Variants in RPS6KC1 observed in about 807,000 individuals in gnomAD.
RPS6KC1 encodes inactive ribosomal protein S6 kinase delta-1.
RPS6KC1 carries 54 observed loss-of-function variants against 103.8 expected under a neutral mutation model. The observed-to-expected ratio is 0.52, with a 90% confidence interval of 0.42 to 0.65. The LOEUF (loss-of-function observed/expected upper bound fraction) is 0.65. RPS6KC1 is among the 30% of genes least tolerant of loss of function. The pLI, the probability that RPS6KC1 is intolerant of heterozygous loss-of-function variation, is 0.00. For missense variants in RPS6KC1, 1,151 were observed against 1,253.8 expected (o/e 0.92, Z 1.24); for synonymous variants, 439 against 438.7 (o/e 1.00, Z -0.01).
intron 3 of RPS6KC1, among the ~76,000 whole-genome samples, chr1:213,078,062 G>A (rs2079511449): frequency 6.6e-6 from 1 of 151,922 alleles, no homozygotes; most frequent in Admixed American, 6.6e-5. Flanking sequence ...AAAAAACCCT[G>A]TAGGAACATA....
chr1:213,162,431 C>G (rs146434278), intron 6 of RPS6KC1, among the ~76,000 whole-genome samples: 186 of 152,110 alleles, frequency 1.2e-3, no homozygotes, highest in South Asian at 2.7e-3. Context: ...CAGGTGTGTA[C>G]CACCAGGCCT....
chr1:213,527,967 T>C, the RPS6KC1 span, among the ~76,000 whole-genome samples: 1 of 152,094 alleles, frequency 6.6e-6, no homozygotes, highest in Non-Finnish European at 1.5e-5. Flanking sequence ...TAAGTGAAAG[T>C]GATTCATCAT....
intron 5 of RPS6KC1, among the ~76,000 whole-genome samples, chr1:213,119,427 T>C (rs12739415): frequency 0.054 from 3 of 56 alleles, no homozygotes; most frequent in East Asian, 0.5. Context: ...AGCCTGGGCA[T>C]ATATATATAT....
chr1:213,563,972 C>CTTTTTTT, the RPS6KC1 span, among the ~76,000 whole-genome samples: 2 of 134,394 alleles, frequency 1.5e-5, no homozygotes, highest in Non-Finnish European at 3.2e-5. Flanking sequence ...TTGCTTACCT[C>CTTTTTTT]TTTTTTTTTT....
the RPS6KC1 span, among the ~76,000 whole-genome samples, chr1:213,704,110 G>A: frequency 9.2e-4 from 140 of 152,036 alleles, 1 homozygote; most frequent in South Asian, 8.9e-3. Context: ...GATGTAGGCC[G>A]GGCGCGGTGG....
At chr1:213,148,798 T>C (rs1214698442) in intron 6 of RPS6KC1, among the ~76,000 whole-genome samples, 1 of 152,124 alleles carries the variant, frequency 6.6e-6, no homozygotes, top group Non-Finnish European at 1.5e-5. Flanking sequence ...AATGAAGCCA[T>C]CAGTCCTGGG....
chr1:213,492,866 C>T, the RPS6KC1 span, among the ~76,000 whole-genome samples: 3 of 152,302 alleles, frequency 2.0e-5, no homozygotes, highest in Admixed American at 1.3e-4. Flanking sequence ...TTCAGCAGAC[C>T]CCAGCCAGGC....
the RPS6KC1 span, among the ~76,000 whole-genome samples, chr1:213,688,951 T>C: frequency 6.6e-6 from 1 of 152,202 alleles, no homozygotes; most frequent in Admixed American, 6.5e-5. Flanking sequence ...TAACTAACAA[T>C]ACTTTTTTTC....
chr1:213,172,110 A>C (rs2091517777), intron 7 of RPS6KC1, among the ~76,000 whole-genome samples: 1 of 152,228 alleles, frequency 6.6e-6, no homozygotes, highest in Admixed American at 6.5e-5. Flanking sequence ...GAAATGCAGA[A>C]TATCAGACCT....
chr1:213,095,320 C>T lies in RPS6KC1; in HGVS notation c.263-9134C>T, dbSNP rs535102375. Among the ~76,000 whole-genome samples the T allele has an allele frequency of 9.8e-5, 15 of 152,300 alleles. No individual in the cohort carries two copies. The South Asian group carries it at 2.9e-3, about 29-fold the overall frequency. ...TAAGAATCATCAGCATTAAGCTTTT[C>T]TAGATAATTTCATACTGGTCAAGGA... is the stretch of plus-strand genomic sequence containing the variant. On this transcript the variant is annotated intron_variant, in intron 3 of 14. Transcript: ENST00000366960.
At chr1:213,205,473 A>G (rs1277613428) in intron 8 of RPS6KC1, 3 of 627,416 alleles carry the variant, frequency 4.8e-6, no homozygotes, top group Non-Finnish European at 5.9e-6. Flanking sequence ...ACGACCAAGA[A>G]CCTAAGGAAT....
At chr1:213,829,064 T>C in the RPS6KC1 span, among the ~76,000 whole-genome samples, 2 of 152,128 alleles carry the variant, frequency 1.3e-5, no homozygotes, top group Admixed American at 6.5e-5. Flanking sequence ...TTGCTGAGAT[T>C]AACACCTTAT....
At chr1:213,844,609 T>C in the RPS6KC1 span, among the ~76,000 whole-genome samples, 4 of 152,182 alleles carry the variant, frequency 2.6e-5, no homozygotes, top group Admixed American at 6.5e-5. Context: ...TTCCCAAAGT[T>C]ACAAGCAAGA....
At chr1:213,553,254 T>TTA in the RPS6KC1 span, among the ~76,000 whole-genome samples, 1 of 152,138 alleles carries the variant, frequency 6.6e-6, no homozygotes, top group Non-Finnish European at 1.5e-5. Context: ...AAGTAAGAGC[T>TTA]TATGGTATTT....
At chr1:213,289,999 ATT>A in the RPS6KC1 span, among the ~76,000 whole-genome samples, 45 of 152,130 alleles carry the variant, frequency 3.0e-4, no homozygotes, top group African/African-American at 1.0e-3. Flanking sequence ...AGATCGCACC[ATT>A]GCACTCCAGC....
At chr1:213,724,586 G>T in the RPS6KC1 span, among the ~76,000 whole-genome samples, 3 of 152,156 alleles carry the variant, frequency 2.0e-5, no homozygotes, top group African/African-American at 7.2e-5. Context: ...TGGGCACACA[G>T]TTATCCTCAT....
the RPS6KC1 span, among the ~76,000 whole-genome samples, chr1:213,832,076 C>A: frequency 6.6e-6 from 1 of 152,214 alleles, no homozygotes; most frequent in Non-Finnish European, 1.5e-5. Context: ...TCTGTGGTAT[C>A]ACCTCCAGGT....
chr1:213,659,681 C>T, the RPS6KC1 span, among the ~76,000 whole-genome samples: 5 of 150,124 alleles, frequency 3.3e-5, no homozygotes, highest in African/African-American at 9.8e-5. Flanking sequence ...GTTCAAGTTT[C>T]GATTTCTTAC....
chr1:213,444,892 G>GCA, the RPS6KC1 span, among the ~76,000 whole-genome samples: 1 of 151,954 alleles, frequency 6.6e-6, no homozygotes, highest in African/African-American at 2.4e-5. Context: ...CATTTACAGG[G>GCA]CACAATTCAA....
Sources: allele counts gnomAD v4.1 joint callset (sites outside exome capture counted in the v4.1 genomes callset), GRCh38; gene constraint gnomAD v4.1.1; transcripts MANE v1.5; gene names NCBI Gene and HGNC (gene_info 2026-07-23, HGNC 2026-07-21).